EIF2S2: variants seen among roughly 807,000 people sequenced by gnomAD.
EIF2S2 encodes the protein eukaryotic translation initiation factor 2 subunit 2.
Under a neutral mutation model 44.0 loss-of-function variants are expected in EIF2S2, and 4 were observed. The ratio of observed to expected loss-of-function variants is 0.09; its 90% CI spans 0.04 to 0.21. The LOEUF is 0.21. Among genes scored for constraint, EIF2S2 ranks in the 10% least tolerant of loss-of-function variants. The probability of loss-of-function intolerance (pLI) is 1.00; values close to 1 mark genes in which losing one functional copy is unlikely to be tolerated. For missense variants in EIF2S2, 154 were observed against 392.0 expected, an observed-to-expected ratio of 0.39 and a Z score of 5.13; for synonymous variants, 108 against 128.3, an observed-to-expected ratio of 0.84 and a Z score of 1.07.
intron 3 of EIF2S2, 67 bp downstream of exon 3, chr20:34,103,395 G>A (rs2034315058): frequency 1.4e-6 from 2 of 1,470,644 alleles, no homozygotes; most frequent in South Asian, 1.3e-5. Context: ...TCAAAGAGAG[G>A]GAAACATCAG....
intron 8 of EIF2S2, 126 bp from the exon 9 acceptor site, chr20:34,090,031 C>A (rs1426993378): frequency 4.0e-6 from 4 of 1,000,796 alleles, no homozygotes; most frequent in Non-Finnish European, 6.0e-6. Context: ...GGCACCCAGA[C>A]CAGGGAAGCG....
At chr20:34,104,332 T>C (rs2034325568) in intron 2 of EIF2S2, among the ~76,000 whole-genome samples, 1 of 152,130 alleles carries the variant, frequency 6.6e-6, no homozygotes, top group African/African-American at 2.4e-5. Flanking sequence ...AGGATCTTGG[T>C]TAAATTACTT....
rs547491099 is a variant in EIF2S2, at chr20:34,088,601, G to A, written c.*1129C>T. ...TTTGGGTCTGAGTGACTGCTCCTGA[G>A]CTGCTTAGTACGAAGTCGGGCAACA... On this transcript the variant is annotated 3_prime_UTR_variant, in exon 9 of 9. Transcript: ENST00000374980. 6.0e-4 allele frequency: 92 copies of A among 152,808 alleles called. No individual in the cohort carries two copies. Among genetic ancestry groups the A allele is most frequent in the African/African-American group, 1.8e-3 (73 of 41,582 alleles). The allele number at this position is 152,808 out of a possible 1,614,324, so 9.5% of individuals were successfully genotyped here. A position where few individuals can be genotyped will look rare whatever the true frequency, so the allele number is the denominator to read the frequency against.
chr20:34,095,768 G>C (rs1250559989), intron 6 of EIF2S2, among the ~76,000 whole-genome samples: 1 of 152,076 alleles, frequency 6.6e-6, no homozygotes, highest in Non-Finnish European at 1.5e-5. Flanking sequence ...ACAACAAGTG[G>C]TTATCTCTGG....
chr20:34,098,409 A>G, intron 4 of EIF2S2, 89 bp downstream of exon 4: 1 of 1,491,136 alleles, frequency 6.7e-7, no homozygotes, highest in Non-Finnish European at 9.0e-7. Context: ...CAAGAAAAAA[A>G]TTTTAAAAGC....
intron 5 of EIF2S2, 143 bp downstream of exon 5, chr20:34,097,273 T>C (rs1568714282): frequency 1.4e-6 from 1 of 694,780 alleles, no homozygotes; most frequent in African/African-American, 1.8e-5. Context: ...CACCAGGAAT[T>C]GCTGTGCACT....
intron 1 of EIF2S2, among the ~76,000 whole-genome samples, chr20:34,110,918 T>C (rs2034405117): frequency 6.6e-6 from 1 of 152,242 alleles, no homozygotes; most frequent in African/African-American, 2.4e-5. Context: ...ATTAAGATCC[T>C]AGTCAATCTG....
chr20:34,100,283 G>C (rs2034280470), intron 3 of EIF2S2, among the ~76,000 whole-genome samples: 1 of 152,168 alleles, frequency 6.6e-6, no homozygotes, highest in Admixed American at 6.5e-5. Context: ...CCAAAGTGCT[G>C]GGATTATAGG....
intron 1 of EIF2S2, 41 bp downstream of exon 1, chr20:34,112,055 C>A: frequency 6.8e-7 from 1 of 1,459,874 alleles, no homozygotes; most frequent in East Asian, 2.7e-5. Flanking sequence ...TTAGGCTTCT[C>A]GCCTCAATCC....
chr20:34,098,734 C>T, intron 3 of EIF2S2, 101 bp from the exon 4 acceptor site: 2 of 1,387,402 alleles, frequency 1.4e-6, no homozygotes. Flanking sequence ...TGCTTTGTTG[C>T]TCAGGCTAGT....
rs117802639 is a variant in EIF2S2, at chr20:34,111,695, T to C, written c.15+401A>G. ...GGCGTTATACCAAGCCAAGAGAGGC[T>C]CCTCGCGGCACCCCTGGCACCCCCG... On this transcript the variant is annotated intron_variant, in intron 1 of 8. Transcript: ENST00000374980. 6.6e-5 allele frequency among the ~76,000 whole-genome samples: 10 copies of C among 152,308 alleles called. No individual in the cohort carries two copies. In the East Asian group the frequency reaches 1.7e-3, roughly 26 times the overall value.
intron 1 of EIF2S2, among the ~76,000 whole-genome samples, chr20:34,109,446 G>A (rs916990960): frequency 6.6e-6 from 1 of 152,132 alleles, no homozygotes; most frequent in South Asian, 2.1e-4. Flanking sequence ...AAGACTGTTT[G>A]AGGCCAGGAG....
chr20:34,112,212 A>T lies in EIF2S2; in HGVS notation c.-102T>A. ...CTGCCGATACCTCTCCCACCACCGC[A>T]CTAGGCTCTTGCATCAGCGAAAGGA... On this transcript the variant is annotated 5_prime_UTR_variant, in exon 1 of 9. Coordinates refer to ENST00000374980, the MANE Select transcript of EIF2S2 (RefSeq NM_003908.5). The T allele has an allele frequency of 7.8e-7, 1 of 1,287,102 alleles. No individual in the cohort carries two copies. Among genetic ancestry groups the T allele is most frequent in the Non-Finnish European group, 1.0e-6 (1 of 963,544 alleles). 79.7% of individuals were successfully genotyped at this position (1,287,102 alleles called of 1,614,324 possible).
At chr20:34,106,427 CTTT>C (rs55646105) in intron 1 of EIF2S2, among the ~76,000 whole-genome samples, 2,569 of 140,824 alleles carry the variant, frequency 0.018, 44 homozygotes, top group African/African-American at 0.043. Context: ...ATTAAAGGTT[CTTT>C]TTTTTTTTTT....
intron 2 of EIF2S2, among the ~76,000 whole-genome samples, chr20:34,104,089 G>C (rs1471668633): frequency 6.6e-6 from 1 of 152,300 alleles, no homozygotes; most frequent in South Asian, 2.1e-4. Flanking sequence ...GGACCATGTT[G>C]AGAATATTTA....
chr20:34,097,553 CCCTACTACAATACAAAAGTGGGGTGGGT>C, intron 4 of EIF2S2, 37 bp from the exon 5 acceptor site: 1 of 1,563,070 alleles, frequency 6.4e-7, no homozygotes, highest in Non-Finnish European at 8.7e-7. Context: ...GAGGGGTGGG[CCCTACTACAATACAAAAGTGGGGTGGGT>C]CTAGAGAAAT....
At chr20:34,111,129 G>A (rs2034407278) in intron 1 of EIF2S2, among the ~76,000 whole-genome samples, 1 of 152,246 alleles carries the variant, frequency 6.6e-6, no homozygotes. Context: ...CCATGAACTA[G>A]TCATTACCTG....
chr20:34,111,988 T>G, intron 1 of EIF2S2, 108 bp downstream of exon 1: 1 of 1,233,194 alleles, frequency 8.1e-7, no homozygotes. Flanking sequence ...CGCGGCTGCC[T>G]CACATGGCGG....
rs2034135832 is a variant in EIF2S2 at position 34,089,418 on chromosome 20, A to G, written c.*312T>C. The G allele has an allele frequency of 3.7e-6, 1 of 268,652 alleles. No homozygotes were observed. The highest frequency in any genetic ancestry group is 8.0e-5 in the South Asian group (1 of 12,446). The allele number at this position is 268,652 out of a possible 1,614,324, so 16.6% of individuals were successfully genotyped here. On this transcript the variant is annotated 3_prime_UTR_variant, in exon 9 of 9. Coordinates refer to ENST00000374980, the MANE Select transcript of EIF2S2 (RefSeq NM_003908.5). ...GCACATTTATAGAAAAGAAAACTGAAGGACAAACCAAATTGAAAGAATCAC... is the reference window on the plus strand; with the variant it reads ...GCACATTTATAGAAAAGAAAACTGAGGGACAAACCAAATTGAAAGAATCAC...
Sources: allele counts gnomAD v4.1 joint callset (sites outside exome capture counted in the v4.1 genomes callset), GRCh38; gene constraint gnomAD v4.1.1; transcripts MANE v1.5; gene names NCBI Gene and HGNC (gene_info 2026-07-23, HGNC 2026-07-21).